Variants in PAMR1 observed in about 807,000 individuals in gnomAD.
PAMR1 encodes the protein peptidase domain containing associated with muscle regeneration 1.
Under a neutral mutation model 81.8 loss-of-function variants are expected in PAMR1, and 88 were observed. The ratio of observed to expected loss-of-function variants is 1.08; its 90% CI spans 0.91 to 1.28. The LOEUF is 1.28. Ranked by LOEUF, PAMR1 falls within the 50% of genes most tolerant of loss-of-function variation. The pLI is 0.00. For synonymous variants in PAMR1, 336 were observed against 345.3 expected, an observed-to-expected ratio of 0.97 and a Z score of 0.30; for missense variants, 935 against 919.7, an observed-to-expected ratio of 1.02 and a Z score of -0.21.
At chr11:35,468,697 C>T (rs1180869887) in intron 5 of PAMR1, among the ~76,000 whole-genome samples, 1 of 152,186 alleles carries the variant, frequency 6.6e-6, no homozygotes, top group Non-Finnish European at 1.5e-5. Context: ...TACTGCAGAA[C>T]TTCTCAGTTC....
upstream of PAMR1, among the ~76,000 whole-genome samples, chr11:35,529,610 C>A (rs1851435995): frequency 6.6e-6 from 1 of 152,152 alleles, no homozygotes; most frequent in African/African-American, 2.4e-5. Context: ...GTACCTGTTG[C>A]CATTAGGGCT....
intron 3 of PAMR1, among the ~76,000 whole-genome samples, chr11:35,485,563 C>A (rs892759589): frequency 6.6e-6 from 1 of 152,188 alleles, no homozygotes; most frequent in African/African-American, 2.4e-5. Flanking sequence ...GTTTGCCCAT[C>A]CTCCTGGATA....
intron 9 of PAMR1, among the ~76,000 whole-genome samples, chr11:35,435,165 T>C (rs1323137582): frequency 6.6e-6 from 1 of 152,164 alleles, no homozygotes; most frequent in African/African-American, 2.4e-5. Flanking sequence ...AATGAGATGG[T>C]ACATGCAAAC....
In PAMR1 at chr11:35,458,396, T is replaced by A. The variant is rs117684425; in HGVS notation, c.820+9605A>T. Reference sequence around the variant, plus strand: ...GTACCCTGCTTGCTTTCAGAAAGAGTTTGCAGTGATTTACAAAACTATACA... The same window carrying A: ...GTACCCTGCTTGCTTTCAGAAAGAGATTGCAGTGATTTACAAAACTATACA... On this transcript the variant is annotated intron_variant, in intron 6 of 10. Coordinates refer to ENST00000619888, the MANE Select transcript of PAMR1 (RefSeq NM_001001991.3). Among the ~76,000 whole-genome samples the A allele has an allele frequency of 3.5e-4, 53 of 152,290 alleles. 1 individual carries two copies. In the East Asian group the frequency reaches 8.5e-3, roughly 24 times the overall value.
At chr11:35,490,566 T>C (rs907082190) in intron 3 of PAMR1, among the ~76,000 whole-genome samples, 2 of 152,226 alleles carry the variant, frequency 1.3e-5, no homozygotes, top group Admixed American at 1.3e-4. Flanking sequence ...TCAGGAGGAT[T>C]GCTTGAGCAC....
intron 6 of PAMR1, 66 bp from the exon 7 acceptor site, chr11:35,441,759 C>T (rs2135342772): frequency 9.1e-7 from 1 of 1,096,888 alleles, no homozygotes. Flanking sequence ...AGAATAGAAT[C>T]TTTCATGTTT....
At position 35,434,761 on chromosome 11, in the gene PAMR1, C is replaced by A. The variant is rs1233735731; in HGVS notation, c.1377G>T (p.Gly459=). ...TGGCTGCCTGCCACGGCCAGCGCAA[C>A]CCTTGGGTCTTTGGAGCAGTGATGT... ...IENITAPKTQ[G]LRWPWQAAIY... Residue 459 remains glycine, a synonymous_variant, in exon 10 of 11, where the codon GGG becomes GGT. Transcript: ENST00000619888. The A allele has an allele frequency of 6.2e-7, 1 of 1,614,130 alleles. No homozygotes were observed. The highest frequency in any genetic ancestry group is 2.2e-5 in the East Asian group (1 of 44,874).
chr11:35,497,438 G>C (rs950776209), intron 1 of PAMR1, among the ~76,000 whole-genome samples: 2 of 152,198 alleles, frequency 1.3e-5, no homozygotes, highest in Admixed American at 1.3e-4. Flanking sequence ...GAATGGAGAG[G>C]TGTTGCTTGA....
chr11:35,436,497 C>A (rs1386370731), intron 8 of PAMR1, among the ~76,000 whole-genome samples: 1 of 152,162 alleles, frequency 6.6e-6, no homozygotes, highest in Non-Finnish European at 1.5e-5. Context: ...GTTGTCCAGG[C>A]AGATCTTGAA....
At chr11:35,434,995 G>A (rs1856005147) in intron 9 of PAMR1, among the ~76,000 whole-genome samples, 191 bp from the exon 10 acceptor site, 1 of 152,164 alleles carries the variant, frequency 6.6e-6, no homozygotes, top group Non-Finnish European at 1.5e-5. Flanking sequence ...TGGCTATAAA[G>A]TCTAGGATTT....
At chr11:35,439,151 G>C (rs1856110260) in intron 8 of PAMR1, among the ~76,000 whole-genome samples, 1 of 152,126 alleles carries the variant, frequency 6.6e-6, no homozygotes, top group African/African-American at 2.4e-5. Context: ...ATACCAGAGG[G>C]GCTCACATCC....
chr11:35,482,233 C>T (rs1350355256), intron 3 of PAMR1, among the ~76,000 whole-genome samples: 1 of 152,096 alleles, frequency 6.6e-6, no homozygotes, highest in Non-Finnish European at 1.5e-5. Context: ...GGAAGGGGTC[C>T]AGTTTGAGTT....
At chr11:35,513,104 C>T (rs577781212) in intron 1 of PAMR1, among the ~76,000 whole-genome samples, 4 of 152,234 alleles carry the variant, frequency 2.6e-5, no homozygotes, top group Non-Finnish European at 5.9e-5. Context: ...CTATTCAGAA[C>T]AGAGCTCTGC....
intron 6 of PAMR1, among the ~76,000 whole-genome samples, chr11:35,464,569 C>T (rs1856723459): frequency 6.6e-6 from 1 of 152,146 alleles, no homozygotes; most frequent in Admixed American, 6.5e-5. Flanking sequence ...ACACTGTTTC[C>T]AGACATTGCC....
At chr11:35,523,111 T>C (rs553074947) in intron 1 of PAMR1, among the ~76,000 whole-genome samples, 1 of 152,342 alleles carries the variant, frequency 6.6e-6, no homozygotes, top group Admixed American at 6.5e-5. Flanking sequence ...AATCCACCCG[T>C]GCCAAGAAGG....
chr11:35,525,897 G>T, upstream of PAMR1: 1 of 454,510 alleles, frequency 2.2e-6, no homozygotes, highest in Non-Finnish European at 4.0e-6. Flanking sequence ...GTACAGGTGG[G>T]GTCCCAGTGT....
At chr11:35,489,720 C>G (rs1390570954) in intron 3 of PAMR1, among the ~76,000 whole-genome samples, 1 of 152,214 alleles carries the variant, frequency 6.6e-6, no homozygotes, top group Non-Finnish European at 1.5e-5. Context: ...TACTATCCCT[C>G]TCCCTGAAAT....
chr11:35,517,491 A>G (rs1851187015), intron 1 of PAMR1, among the ~76,000 whole-genome samples: 1 of 152,234 alleles, frequency 6.6e-6, no homozygotes, highest in South Asian at 2.1e-4. Context: ...ACTGTATTCC[A>G]TGAAGCACTA....
rs747701550 is a variant in PAMR1, at chr11:35,470,771, T to C, written c.542A>G (p.Tyr181Cys). 1.2e-6 allele frequency: 2 copies of C among 1,614,088 alleles called. No homozygotes were observed. Among genetic ancestry groups the C allele is most frequent in the Non-Finnish European group, 1.7e-6 (2 of 1,179,994 alleles). ...GTTGTCTCCATCACGAACCTCAACA[T>C]AGTCATACTGGCACATGTAGTCAAA... ...LEFDYMCQYD[Y>C]VEVRDGDNRD... is the part of the protein sequence containing the mutation. The change falls in exon 5 of 11, where the codon TAT becomes TGT. Residue 181 changes from tyrosine to cysteine, a missense_variant. Tyr to Cys is a radical substitution (Grantham distance 194). Coordinates refer to ENST00000619888, the MANE Select transcript of PAMR1 (RefSeq NM_001001991.3).
Sources: allele counts gnomAD v4.1 joint callset (sites outside exome capture counted in the v4.1 genomes callset), GRCh38; gene constraint gnomAD v4.1.1; transcripts MANE v1.5; gene names NCBI Gene and HGNC (gene_info 2026-07-23, HGNC 2026-07-21).